UBE2D2: variants seen among roughly 807,000 people sequenced by gnomAD.
UBE2D2 encodes the protein ubiquitin-conjugating enzyme E2 D2.
A neutral mutation model predicts 24.2 loss-of-function variants in UBE2D2; 2 were observed. The observed-to-expected ratio is 0.08, with a 90% CI of 0.03 to 0.26. The LOEUF is 0.26. Among genes scored for constraint, UBE2D2 ranks in the 10% least tolerant of loss-of-function variants. UBE2D2 has a pLI of 1.00. For synonymous variants in UBE2D2, 58 were observed against 56.5 expected (o/e 1.03, Z -0.12); for missense variants, 44 against 177.6 (o/e 0.25, Z 4.28).
At chr5:139,624,860 C>T (rs2126711156) in intron 6 of UBE2D2, among the ~76,000 whole-genome samples, 1 of 152,318 alleles carries the variant, frequency 6.6e-6, no homozygotes, top group Non-Finnish European at 1.5e-5. Flanking sequence ...ATGGGATATT[C>T]TAACAGTAGT....
upstream of UBE2D2, among the ~76,000 whole-genome samples, chr5:139,558,203 T>C (rs1165581651): frequency 6.6e-6 from 1 of 152,186 alleles, no homozygotes; most frequent in Non-Finnish European, 1.5e-5. Flanking sequence ...GTTAAATAAA[T>C]ATGGTACATT....
chr5:139,587,605 G>A (rs1753757184), intron 1 of UBE2D2, among the ~76,000 whole-genome samples: 1 of 150,540 alleles, frequency 6.6e-6, no homozygotes, highest in Admixed American at 6.6e-5. Context: ...CTTGGGAGGC[G>A]GAGCTTGCAG....
intron 2 of UBE2D2, among the ~76,000 whole-genome samples, chr5:139,601,811 T>C (rs1210654947): frequency 1.3e-5 from 2 of 148,362 alleles, no homozygotes; most frequent in African/African-American, 5.0e-5. Flanking sequence ...CTTGGGAGGT[T>C]GAGGCAGACA....
At chr5:139,532,699 T>C (rs1032844704) in intron 1 of UBE2D2, among the ~76,000 whole-genome samples, 4 of 151,716 alleles carry the variant, frequency 2.6e-5, no homozygotes, top group Admixed American at 1.3e-4. Context: ...GTTGGCCACA[T>C]TGGTCTCGAA....
chr5:139,546,723 T>C (rs548911617), intron 1 of UBE2D2, among the ~76,000 whole-genome samples: 2 of 151,566 alleles, frequency 1.3e-5, no homozygotes, highest in South Asian at 4.2e-4. Flanking sequence ...TGACCTCAAG[T>C]GATCCACCTG....
At chr5:139,537,203 A>G (rs1752695658) in intron 1 of UBE2D2, among the ~76,000 whole-genome samples, 1 of 151,748 alleles carries the variant, frequency 6.6e-6, no homozygotes, top group South Asian at 2.1e-4. Context: ...AAAAAACAAC[A>G]AAAAGTAATA....
chr5:139,608,594 T>TA (rs1244720988), intron 2 of UBE2D2, among the ~76,000 whole-genome samples: 35 of 148,338 alleles, frequency 2.4e-4, no homozygotes, highest in East Asian at 2.4e-3. Context: ...GTCTCTATTT[T>TA]AAAAAAAAAA....
At chr5:139,562,218 G>C in intron 1 of UBE2D2, 3 of 1,379,334 alleles carry the variant, frequency 2.2e-6, no homozygotes, top group Non-Finnish European at 2.9e-6. Context: ...CCCCATTTCT[G>C]TTCCCTCCTC....
chr5:139,556,446 A>G (rs1752981871), upstream of UBE2D2, among the ~76,000 whole-genome samples: 1 of 152,114 alleles, frequency 6.6e-6, no homozygotes, highest in South Asian at 2.1e-4. Context: ...AAAAAAAGGA[A>G]GCTAGAAAAA....
rs1292231182 is a variant in UBE2D2 at position 139,617,370 on chromosome 5, ATTTTTTTTTTT to A, written c.304+2417_304+2427del. 3.9e-5 allele frequency among the ~76,000 whole-genome samples: 4 copies of A among 102,546 alleles called. No individual in the cohort carries two copies. The South Asian group carries it at 1.0e-3, about 26-fold the overall frequency. The allele number at this position is 102,546 out of a possible 152,430, so 67.3% of individuals were successfully genotyped here. ...TTTGTGTGGTGAAATGTGGTGTGTG[ATTTTTTTTTTT>A]TTTTTTTTTTTTGAGAGGGAGTTTC... On this transcript the variant is annotated intron_variant, in intron 5 of 6. Transcript: ENST00000398733.
At chr5:139,589,351 G>A (rs755142907) in intron 1 of UBE2D2, among the ~76,000 whole-genome samples, 3 of 152,098 alleles carry the variant, frequency 2.0e-5, no homozygotes, top group Non-Finnish European at 4.4e-5. Context: ...TTGAAGTCAG[G>A]AGTTCGAGAC....
At chr5:139,543,871 G>T (rs1752788713) in intron 1 of UBE2D2, among the ~76,000 whole-genome samples, 1 of 152,196 alleles carries the variant, frequency 6.6e-6, no homozygotes, top group South Asian at 2.1e-4. Context: ...CAATTTGCAT[G>T]AAGCCTTTGA....
intron 1 of UBE2D2, among the ~76,000 whole-genome samples, chr5:139,584,628 G>C (rs2126668997): frequency 6.7e-6 from 1 of 149,418 alleles, no homozygotes; most frequent in East Asian, 2.0e-4. Flanking sequence ...TGCCTCCTGG[G>C]TTCCAGCGAT....
rs555367447 is a variant in UBE2D2, at chr5:139,624,738, AC to A, written c.398+1279del. On this transcript the variant is annotated intron_variant, in intron 6 of 6. Transcript: ENST00000398733. ...TTAGGTTGCGGTGAGCTGAAATTGCACCACTGCACTTCAGCCTGGGCGACAG... is the reference window on the plus strand; with the variant it reads ...TTAGGTTGCGGTGAGCTGAAATTGCACACTGCACTTCAGCCTGGGCGACAG... Among the ~76,000 whole-genome samples the A allele has an allele frequency of 1.1e-4, 16 of 152,304 alleles. No homozygotes were observed. In the South Asian group the frequency reaches 3.3e-3, roughly 32 times the overall value.
At chr5:139,618,422 C>T (rs1202593221) in intron 5 of UBE2D2, among the ~76,000 whole-genome samples, 1 of 152,040 alleles carries the variant, frequency 6.6e-6, no homozygotes, top group Admixed American at 6.6e-5. Flanking sequence ...GAGAAGTGTC[C>T]CCTTTTCTTT....
In UBE2D2 at chr5:139,561,712, C is replaced by A; in HGVS notation, c.-80C>A. 1 of 1,163,204 alleles carries A rather than the reference C, an allele frequency of 8.6e-7. No individual in the cohort carries two copies. Among genetic ancestry groups the A allele is most frequent in the Non-Finnish European group, 1.2e-6 (1 of 858,596 alleles). The allele number at this position is 1,163,204 out of a possible 1,614,324, so 72.1% of individuals were successfully genotyped here. ...CTGCCGACCGAGATCGCCGAGGCGG[C>A]CTCAGGCTCCCTAGCCCCTTCCCCG... On this transcript the variant is annotated 5_prime_UTR_variant, in exon 1 of 7. Coordinates refer to ENST00000398733, the MANE Select transcript of UBE2D2 (RefSeq NM_003339.3).
rs373244417 is a variant in UBE2D2, at chr5:139,581,405, C to T, written c.25-18967C>T. 9.9e-5 allele frequency among the ~76,000 whole-genome samples: 15 copies of T among 151,906 alleles called. 1 individual carries two copies. In the South Asian group the frequency reaches 1.5e-3, roughly 15 times the overall value. ...CGGAGGTTGCAGTGAGCCGAGATCACGCCACTGCACTCTAGCCTGGGTGAC... is the reference window on the plus strand; with the variant it reads ...CGGAGGTTGCAGTGAGCCGAGATCATGCCACTGCACTCTAGCCTGGGTGAC... On this transcript the variant is annotated intron_variant, in intron 1 of 6. Transcript: ENST00000398733.
chr5:139,612,754 G>A (rs924602115), intron 2 of UBE2D2, among the ~76,000 whole-genome samples: 4 of 152,108 alleles, frequency 2.6e-5, no homozygotes, highest in African/African-American at 4.8e-5. Context: ...AGTGAGACTC[G>A]TGTATGTGTG....
At chr5:139,603,646 A>AT (rs1561517267) in intron 2 of UBE2D2, among the ~76,000 whole-genome samples, 9 of 141,508 alleles carry the variant, frequency 6.4e-5, no homozygotes, top group Non-Finnish European at 7.8e-5. Context: ...AAAAAAAAAA[A>AT]GGCTGGGTGT....
Sources: allele counts gnomAD v4.1 joint callset (sites outside exome capture counted in the v4.1 genomes callset), GRCh38; gene constraint gnomAD v4.1.1; transcripts MANE v1.5; gene names NCBI Gene and HGNC (gene_info 2026-07-23, HGNC 2026-07-21).